ST6GALNAC3: variants seen among roughly 807,000 people sequenced by gnomAD.
ST6GALNAC3 encodes the protein ST6 N-acetylgalactosaminide alpha-2,6-sialyltransferase 3, also known as alpha-N-acetylgalactosaminide alpha-2,6-sialyltransferase 3.
In ST6GALNAC3, 25 loss-of-function variants were observed where a neutral mutation model predicts 32.7. The ratio of observed to expected loss-of-function variants is 0.76; its 90% confidence interval spans 0.56 to 1.07. The LOEUF (loss-of-function observed/expected upper bound fraction) is 1.07, where lower values mean the gene tolerates loss of function less well. Ranked by LOEUF, ST6GALNAC3 falls within the 50% of genes least tolerant of loss-of-function variation. The probability of loss-of-function intolerance (pLI) is 0.00; values close to 1 mark genes in which losing one functional copy is unlikely to be tolerated. For synonymous variants in ST6GALNAC3, 129 were observed against 133.1 expected (o/e 0.97, Z 0.21); for missense variants, 355 against 382.4 (o/e 0.93, Z 0.60).
chr1:76,396,292 T>G (rs1047083682), intron 2 of ST6GALNAC3, among the ~76,000 whole-genome samples: 1 of 151,916 alleles, frequency 6.6e-6, no homozygotes, highest in East Asian at 1.9e-4. Context: ...TGGCAAAACC[T>G]TGTCTCTACA....
At chr1:76,280,138 C>T (rs576947261) in intron 1 of ST6GALNAC3, among the ~76,000 whole-genome samples, 15 of 152,252 alleles carry the variant, frequency 9.9e-5, no homozygotes, top group Admixed American at 9.8e-4. Flanking sequence ...TCTCCCTGTT[C>T]TGTCCTCTCT....
Position 76,628,715 on chromosome 1 carries a change from G to T in ST6GALNAC3, c.827G>T (p.Gly276Val). 2 of 1,612,482 alleles carry T rather than the reference G, an allele frequency of 1.2e-6. No homozygotes were observed. Among genetic ancestry groups the T allele is most frequent in the African/African-American group, 1.3e-5 (1 of 74,874 alleles). Residue 276 changes from glycine to valine, a missense_variant, in exon 5 of 5, where the codon GGT becomes GTT. Gly to Val is a moderately radical substitution (Grantham distance 109). Transcript: ENST00000328299. ...YFLHEHAPYG[G>V]HRFITEKKVF... Reference sequence around the variant, plus strand: ...CTTCATGAACATGCCCCATATGGGGGTCATAGGTTTATCACTGAAAAGAAA... The same window carrying T: ...CTTCATGAACATGCCCCATATGGGGTTCATAGGTTTATCACTGAAAAGAAA...
intron 1 of ST6GALNAC3, among the ~76,000 whole-genome samples, chr1:76,276,572 A>G (rs1174957756): frequency 6.6e-6 from 1 of 152,082 alleles, no homozygotes; most frequent in Non-Finnish European, 1.5e-5. Flanking sequence ...TGTGTTGTTG[A>G]TAAACTGTTA....
intron 3 of ST6GALNAC3, among the ~76,000 whole-genome samples, chr1:76,427,566 G>A (rs1479415276): frequency 6.6e-6 from 1 of 152,004 alleles, no homozygotes; most frequent in African/African-American, 2.4e-5. Context: ...CATATCTATC[G>A]AGAACCTGGA....
chr1:76,368,277 A>G (rs1650538912), intron 2 of ST6GALNAC3, among the ~76,000 whole-genome samples: 1 of 152,244 alleles, frequency 6.6e-6, no homozygotes, highest in African/African-American at 2.4e-5. Flanking sequence ...TTGCAGAAAC[A>G]TGCAGTGGTC....
chr1:76,372,458 T>C (rs1650905659), intron 2 of ST6GALNAC3, among the ~76,000 whole-genome samples: 1 of 151,984 alleles, frequency 6.6e-6, no homozygotes, highest in Non-Finnish European at 1.5e-5. Flanking sequence ...CAATTTTGGG[T>C]CTGTTAGTAT....
At chr1:76,624,902 G>A (rs604078) in intron 3 of ST6GALNAC3, among the ~76,000 whole-genome samples, 14 of 151,868 alleles carry the variant, frequency 9.2e-5, no homozygotes, top group African/African-American at 2.7e-4. Flanking sequence ...GTGATCTGAC[G>A]TATTCACATG....
chr1:76,428,284 A>G (rs904513099), intron 3 of ST6GALNAC3, among the ~76,000 whole-genome samples: 6 of 152,088 alleles, frequency 3.9e-5, no homozygotes, highest in African/African-American at 1.4e-4. Context: ...AATTCTCTGA[A>G]TGGTGAAAAC....
intron 4 of ST6GALNAC3, among the ~76,000 whole-genome samples, chr1:76,628,344 C>T (rs1261506487): frequency 6.6e-6 from 1 of 151,930 alleles, no homozygotes; most frequent in Non-Finnish European, 1.5e-5. Flanking sequence ...AAAGTTTCTT[C>T]AATTATACAC....
intron 1 of ST6GALNAC3, among the ~76,000 whole-genome samples, chr1:76,293,162 T>C (rs1660193949): frequency 6.6e-6 from 1 of 152,204 alleles, no homozygotes; most frequent in Non-Finnish European, 1.5e-5. Context: ...TTTTAATCTT[T>C]TTAACTGAAT....
At chr1:76,419,628 G>A (rs1352518873) in intron 3 of ST6GALNAC3, among the ~76,000 whole-genome samples, 1 of 151,872 alleles carries the variant, frequency 6.6e-6, no homozygotes, top group African/African-American at 2.4e-5. Context: ...AAACATATGA[G>A]CCAGCAGCAA....
At chr1:76,369,982 G>T (rs907739961) in intron 2 of ST6GALNAC3, among the ~76,000 whole-genome samples, 30 of 152,166 alleles carry the variant, frequency 2.0e-4, no homozygotes, top group African/African-American at 6.5e-4. Context: ...TTCACTGTTT[G>T]AGTCTGCAGT....
intron 3 of ST6GALNAC3, among the ~76,000 whole-genome samples, chr1:76,468,024 T>G (rs1658758946): frequency 6.6e-6 from 1 of 151,832 alleles, no homozygotes; most frequent in African/African-American, 2.4e-5. Flanking sequence ...TATATTTTCT[T>G]TTTTTCTAAA....
At chr1:76,121,005 A>G (rs1648837379) in intron 1 of ST6GALNAC3, among the ~76,000 whole-genome samples, 1 of 152,110 alleles carries the variant, frequency 6.6e-6, no homozygotes, top group South Asian at 2.1e-4. Flanking sequence ...CTCTGCTTTC[A>G]TCATCACATC....
intron 2 of ST6GALNAC3, among the ~76,000 whole-genome samples, chr1:76,362,100 G>A (rs1005353085): frequency 2.0e-5 from 3 of 152,086 alleles, no homozygotes; most frequent in African/African-American, 7.2e-5. Flanking sequence ...CATCTGCTCT[G>A]CTTCTGAGAA....
chr1:76,136,895 C>T (rs1040708946), intron 1 of ST6GALNAC3, among the ~76,000 whole-genome samples: 7 of 152,156 alleles, frequency 4.6e-5, no homozygotes, highest in South Asian at 4.1e-4. Flanking sequence ...ATCCCAGTAA[C>T]GATGCTAACA....
chr1:76,207,488 A>G (rs753314274), intron 1 of ST6GALNAC3, among the ~76,000 whole-genome samples: 8 of 152,366 alleles, frequency 5.3e-5, no homozygotes, highest in South Asian at 4.1e-4. Flanking sequence ...TTAGCTCACA[A>G]TTCTGGAGAC....
chr1:76,145,291 A>G (rs890432627), intron 1 of ST6GALNAC3, among the ~76,000 whole-genome samples: 9 of 152,232 alleles, frequency 5.9e-5, no homozygotes, highest in African/African-American at 1.9e-4. Flanking sequence ...AAGCTAAAAA[A>G]GCAACTCAGT....
At chr1:76,521,198 G>C (rs1335306973) in intron 3 of ST6GALNAC3, among the ~76,000 whole-genome samples, 2 of 151,028 alleles carry the variant, frequency 1.3e-5, no homozygotes, top group Non-Finnish European at 3.0e-5. Flanking sequence ...TTATCCCTTT[G>C]GTATTATTGT....
Sources: allele counts gnomAD v4.1 joint callset (sites outside exome capture counted in the v4.1 genomes callset), GRCh38; gene constraint gnomAD v4.1.1; transcripts MANE v1.5; gene names NCBI Gene and HGNC (gene_info 2026-07-23, HGNC 2026-07-21).